Variants in DSCAM observed in about 807,000 individuals in gnomAD.
DSCAM encodes DS cell adhesion molecule.
Under a neutral mutation model 217.7 loss-of-function variants are expected in DSCAM, and 47 were observed. That is an observed-to-expected ratio of 0.22 (90% CI 0.17 to 0.28). The LOEUF (loss-of-function observed/expected upper bound fraction) is 0.28, where lower values mean the gene tolerates loss of function less well. Ranked by LOEUF, DSCAM falls within the 10% of genes least tolerant of loss-of-function variation. DSCAM has a pLI of 1.00. For missense variants in DSCAM, 2,080 were observed against 2,618.3 expected, an observed-to-expected ratio of 0.79 and a Z score of 4.49; for synonymous variants, 1,056 against 1,015.3, an observed-to-expected ratio of 1.04 and a Z score of -0.76.
chr21:40,315,297 G>C (rs958559513), intron 8 of DSCAM, among the ~76,000 whole-genome samples: 1 of 151,872 alleles, frequency 6.6e-6, no homozygotes, highest in African/African-American at 2.4e-5. Context: ...CCAGCTACTA[G>C]GGAGGCTGAG....
At chr21:40,186,428 A>C (rs2090895375) in intron 14 of DSCAM, among the ~76,000 whole-genome samples, 1 of 152,096 alleles carries the variant, frequency 6.6e-6, no homozygotes, top group Non-Finnish European at 1.5e-5. Context: ...GACACAGTAA[A>C]AATTCTGACT....
At chr21:40,558,093 T>G (rs547090072) in intron 3 of DSCAM, among the ~76,000 whole-genome samples, 12 of 152,322 alleles carry the variant, frequency 7.9e-5, no homozygotes, top group African/African-American at 2.9e-4. Flanking sequence ...CATCGGTAAA[T>G]TAGTTTCCAT....
At chr21:40,477,313 G>A (rs2075945472) in intron 3 of DSCAM, among the ~76,000 whole-genome samples, 1 of 151,804 alleles carries the variant, frequency 6.6e-6, no homozygotes. Context: ...AGAAGAAAAG[G>A]AAAAGAAATA....
At chr21:40,597,662 A>T (rs943188084) in intron 3 of DSCAM, among the ~76,000 whole-genome samples, 2 of 151,534 alleles carry the variant, frequency 1.3e-5, no homozygotes, top group African/African-American at 4.9e-5. Flanking sequence ...GCCCACCACC[A>T]CGCCCAGCTA....
chr21:40,149,084 CCAACA>C (rs1335292356), intron 16 of DSCAM, among the ~76,000 whole-genome samples: 20 of 152,226 alleles, frequency 1.3e-4, no homozygotes, highest in African/African-American at 3.6e-4. Context: ...TATCCCAACA[CCAACA>C]CAACTATCAC....
At chr21:40,782,006 A>AAAAG (rs1569033689) in intron 1 of DSCAM, among the ~76,000 whole-genome samples, 1 of 149,624 alleles carries the variant, frequency 6.7e-6, no homozygotes, top group East Asian at 2.0e-4. Context: ...AAAAAAAAAA[A>AAAAG]AAAAGAAAAA....
chr21:40,291,592 G>T (rs1428261918), intron 10 of DSCAM, among the ~76,000 whole-genome samples: 1 of 152,060 alleles, frequency 6.6e-6, no homozygotes, highest in East Asian at 1.9e-4. Flanking sequence ...TCCCGGCCTC[G>T]CCCCCTACCC....
chr21:40,461,463 G>T (rs147897088), intron 3 of DSCAM, among the ~76,000 whole-genome samples: 2 of 152,292 alleles, frequency 1.3e-5, no homozygotes, highest in Non-Finnish European at 2.9e-5. Flanking sequence ...CAGCAGTTTA[G>T]AGAAGTTAAA....
intron 1 of DSCAM, among the ~76,000 whole-genome samples, chr21:40,835,823 C>T (rs567106602): frequency 1.3e-5 from 2 of 152,264 alleles, no homozygotes; most frequent in East Asian, 1.9e-4. Context: ...AATAACTGCC[C>T]TCTATTTTGT....
intron 28 of DSCAM, 74 bp from the exon 29 acceptor site, chr21:40,055,914 C>T (rs533763779): frequency 9.1e-7 from 1 of 1,095,656 alleles, no homozygotes; most frequent in Non-Finnish European, 1.4e-6. Context: ...CACCTGTATA[C>T]CAACTTAGTT....
chr21:40,133,909 G>A lies in DSCAM; in HGVS notation c.3507C>T (p.Thr1169=), dbSNP rs759093732. ...CACTCCTGACCCCGTCTCCTGCGCG[G>A]GTGAAGGCCAGCACCTGGATGCTGT... ...TNYSIQVLAF[T]RAGDGVRSEQ... Residue 1169 remains threonine, a synonymous_variant, in exon 19 of 33, where the codon ACC becomes ACT. Coordinates refer to ENST00000400454, the MANE Select transcript of DSCAM (RefSeq NM_001389.5). 5.0e-6 allele frequency: 8 copies of A among 1,613,650 alleles called. No homozygotes were observed. The African/African-American group carries it at 1.1e-4, about 22-fold the overall frequency.
intron 1 of DSCAM, among the ~76,000 whole-genome samples, chr21:40,754,625 G>A (rs2091258452): frequency 1.3e-5 from 2 of 152,198 alleles, no homozygotes; most frequent in South Asian, 4.1e-4. Context: ...CTGCTCTCAG[G>A]AGTCAATCTC....
At chr21:40,316,572 GTAAAT>G (rs939093404) in intron 8 of DSCAM, among the ~76,000 whole-genome samples, 2 of 152,098 alleles carry the variant, frequency 1.3e-5, no homozygotes, top group Non-Finnish European at 2.9e-5. Flanking sequence ...CCTAAATAAG[GTAAAT>G]TATCTGAATC....
At chr21:40,679,085 C>T (rs543852363) in intron 3 of DSCAM, among the ~76,000 whole-genome samples, 104 of 152,276 alleles carry the variant, frequency 6.8e-4, no homozygotes, top group Non-Finnish European at 1.1e-3. Context: ...TCCCAGGCTG[C>T]CCCTGATTGG....
At chr21:40,463,798 T>C (rs1367688279) in intron 3 of DSCAM, among the ~76,000 whole-genome samples, 2 of 152,226 alleles carry the variant, frequency 1.3e-5, no homozygotes, top group African/African-American at 4.8e-5. Flanking sequence ...TCTTGTTCCC[T>C]GAGCTCCATC....
At chr21:40,751,931 G>T (rs1051193655) in intron 1 of DSCAM, among the ~76,000 whole-genome samples, 10 of 152,052 alleles carry the variant, frequency 6.6e-5, no homozygotes, top group Non-Finnish European at 1.2e-4. Context: ...CATCTCCTCG[G>T]CCACTGATCT....
intron 7 of DSCAM, among the ~76,000 whole-genome samples, chr21:40,338,783 G>A (rs992793191): frequency 6.6e-6 from 1 of 152,202 alleles, no homozygotes; most frequent in Admixed American, 6.5e-5. Flanking sequence ...CAGCATGAAT[G>A]TAAGTTTAAT....
intron 3 of DSCAM, among the ~76,000 whole-genome samples, chr21:40,465,029 G>A (rs968352845): frequency 2.0e-5 from 3 of 151,932 alleles, no homozygotes; most frequent in Non-Finnish European, 4.4e-5. Flanking sequence ...GTGAGCCACC[G>A]CATCTGGCCC....
At chr21:40,641,172 T>C (rs2089874014) in intron 3 of DSCAM, among the ~76,000 whole-genome samples, 1 of 152,024 alleles carries the variant, frequency 6.6e-6, no homozygotes, top group Non-Finnish European at 1.5e-5. Flanking sequence ...TATGCAAGGG[T>C]TTTTCTAATG....
Sources: allele counts gnomAD v4.1 joint callset (sites outside exome capture counted in the v4.1 genomes callset), GRCh38; gene constraint gnomAD v4.1.1; transcripts MANE v1.5; gene names NCBI Gene and HGNC (gene_info 2026-07-23, HGNC 2026-07-21).